The following PI16 variants were observed in gnomAD, a reference collection of about 807,000 sequenced individuals.
The protein encoded by PI16 is PSP94-binding protein.
A neutral mutation model predicts 38.0 loss-of-function variants in PI16; 35 were observed. The ratio of observed to expected loss-of-function variants is 0.92; its 90% CI spans 0.70 to 1.22. The LOEUF is 1.22. Ranked by LOEUF, PI16 falls within the 50% of genes most tolerant of loss-of-function variation. PI16 has a pLI of 0.00. For synonymous variants in PI16, 275 were observed against 252.9 expected, an observed-to-expected ratio of 1.09 and a Z score of -0.83; for missense variants, 572 against 593.8, an observed-to-expected ratio of 0.96 and a Z score of 0.38.
chr6:36,952,927 T>A (rs934513763), upstream of PI16, among the ~76,000 whole-genome samples: 1 of 152,212 alleles, frequency 6.6e-6, no homozygotes, highest in Non-Finnish European at 1.5e-5. Flanking sequence ...TTCTAATCCA[T>A]GAATATAGGA....
intron 5 of PI16, 79 bp from the exon 6 acceptor site, chr6:36,963,744 A>G: frequency 6.5e-7 from 1 of 1,529,176 alleles, no homozygotes; most frequent in Non-Finnish European, 8.8e-7. Flanking sequence ...CTGCTGCCCC[A>G]CCTCCTTGCA....
Position 36,961,763 on chromosome 6 carries a change from A to T in PI16, c.504-123A>T, listed in dbSNP as rs1763371662. 11 of 977,304 alleles carry T rather than the reference A, an allele frequency of 1.1e-5. No individual in the cohort carries two copies. The Admixed American group carries it at 2.1e-4, about 19-fold the overall frequency. The allele number at this position is 977,304 out of a possible 1,614,324, so 60.5% of individuals were successfully genotyped here. A position where few individuals can be genotyped will look rare whatever the true frequency, so the allele number is the denominator to read the frequency against. On this transcript the variant is annotated intron_variant, in intron 3 of 6. Transcript: ENST00000373674. ...CAGGAGGAGCCCAAGTTCGCCCAGC[A>T]AGTCAGTGGCTGGCAGTCAGGAGAC...
intron 1 of PI16, 22 bp from the exon 2 acceptor site, chr6:36,959,123 C>A: frequency 6.3e-7 from 1 of 1,589,776 alleles, no homozygotes; most frequent in East Asian, 2.3e-5. Context: ...TCCTCACCTC[C>A]CTTCTCTCAC....
At chr6:36,963,672 C>T in intron 5 of PI16, 60 bp downstream of exon 5, 2 of 1,578,882 alleles carry the variant, frequency 1.3e-6, no homozygotes, top group South Asian at 1.2e-5. Context: ...GTATCCTGCC[C>T]CAGCATAGGT....
intron 2 of PI16, among the ~76,000 whole-genome samples, 181 bp from the exon 3 acceptor site, chr6:36,961,270 C>A (rs1763358591): frequency 6.6e-6 from 1 of 152,192 alleles, no homozygotes; most frequent in African/African-American, 2.4e-5. Flanking sequence ...TAGGGACAAA[C>A]TCCCCCATCC....
chr6:36,960,364 T>C (rs1004349774), intron 2 of PI16, among the ~76,000 whole-genome samples: 3 of 139,238 alleles, frequency 2.2e-5, no homozygotes, highest in Non-Finnish European at 4.7e-5. Flanking sequence ...TGTGTGTGTG[T>C]AGGGGAATTA....
intron 1 of PI16, among the ~76,000 whole-genome samples, chr6:36,948,791 TTTTG>T (rs1177654885): frequency 2.7e-5 from 4 of 150,132 alleles, no homozygotes; most frequent in Non-Finnish European, 5.9e-5. Flanking sequence ...TTCTTTCCTT[TTTTG>T]TTTTTGTTTT....
upstream of PI16, among the ~76,000 whole-genome samples, chr6:36,951,484 A>C (rs1763099229): frequency 2.0e-5 from 3 of 152,190 alleles, no homozygotes; most frequent in African/African-American, 7.2e-5. Flanking sequence ...TTGTGGTCTC[A>C]AGCGATCGGC....
intron 1 of PI16, among the ~76,000 whole-genome samples, chr6:36,949,075 C>T (rs193161351): frequency 2.6e-5 from 4 of 151,936 alleles, no homozygotes; most frequent in African/African-American, 4.8e-5. Flanking sequence ...TGTGAGCCAC[C>T]GCACCCAGCC....
chr6:36,952,804 T>C (rs1763120251), upstream of PI16, among the ~76,000 whole-genome samples: 1 of 152,224 alleles, frequency 6.6e-6, no homozygotes, highest in Admixed American at 6.5e-5. Flanking sequence ...CATATAAATT[T>C]TAGGATGGAT....
chr6:36,948,868 C>T (rs1185276645), intron 1 of PI16, among the ~76,000 whole-genome samples: 1 of 149,756 alleles, frequency 6.7e-6, no homozygotes, highest in Non-Finnish European at 1.5e-5. Context: ...GATCTCGGCT[C>T]ACTGCAACCT....
At position 36,962,160 on chromosome 6, in the gene PI16, G is replaced by A. The variant is rs1763385002; in HGVS notation, c.592+186G>A. The stretch of plus-strand genomic sequence containing the variant: ...CGCGCAGCCACTTTGGCGCCCTGTC[G>A]TTCCAAGTGGCCGGATTTCAACCCT... On this transcript the variant is annotated intron_variant, in intron 4 of 6. Coordinates refer to ENST00000373674, the MANE Select transcript of PI16 (RefSeq NM_153370.3). The surrounding 1 kb of genome is among the most constrained non-coding windows in gnomAD (Gnocchi z 4.1). 1.3e-5 allele frequency among the ~76,000 whole-genome samples: 2 copies of A among 152,188 alleles called. No individual in the cohort carries two copies. The highest frequency in any genetic ancestry group is 2.4e-5 in the African/African-American group (1 of 41,456).
upstream of PI16, among the ~76,000 whole-genome samples, chr6:36,951,309 G>A (rs1488571023): frequency 1.3e-5 from 2 of 152,060 alleles, no homozygotes; most frequent in African/African-American, 4.8e-5. Context: ...GAGTGCAGTG[G>A]TGTGATCTCG....
At position 36,961,927 on chromosome 6, in the gene PI16, C is replaced by G. The variant is rs139815357; in HGVS notation, c.545C>G (p.Pro182Arg). Residue 182 changes from proline to arginine, a missense_variant, in exon 4 of 7, where the codon CCG becomes CGG. Coordinates refer to ENST00000373674, the MANE Select transcript of PI16 (RefSeq NM_153370.3). ...AAACGGCCCTACCAGGAGGGGACTC[C>G]GTGCTCCCAATGTCCCTCTGGCTAC... is the stretch of plus-strand genomic sequence containing the variant. Reference protein sequence around the residue: ...KGKRPYQEGTPCSQCPSGYHC... With the variant: ...KGKRPYQEGTRCSQCPSGYHC... 6.2e-7 allele frequency: 1 copy of G among 1,614,158 alleles called. No individual in the cohort carries two copies. The highest frequency in any genetic ancestry group is 8.5e-7 in the Non-Finnish European group (1 of 1,180,012).
intron 2 of PI16, among the ~76,000 whole-genome samples, chr6:36,960,650 C>A (rs1014368365): frequency 2.1e-5 from 3 of 144,970 alleles, no homozygotes; most frequent in Non-Finnish European, 4.5e-5. Context: ...CCACCCCCCC[C>A]CTCCCTCTAC....
chr6:36,960,608 C>A (rs1024248337), intron 2 of PI16, among the ~76,000 whole-genome samples: 1 of 151,614 alleles, frequency 6.6e-6, no homozygotes, highest in Non-Finnish European at 1.5e-5. Flanking sequence ...CTGGCCCTTT[C>A]CCTCTGGATC....
At chr6:36,951,768 G>A (rs1044359000), upstream of PI16, among the ~76,000 whole-genome samples, 4 of 151,876 alleles carry the variant, frequency 2.6e-5, no homozygotes, top group African/African-American at 7.3e-5. Flanking sequence ...GCATGGTGGC[G>A]CATGTCTGAC....
Position 36,961,482 on chromosome 6 carries a change from G to A in PI16, c.425G>A (p.Cys142Tyr). ...TGGGCCAAGACAGAGAGGATCGGCT[G>A]TGGTTCCCACTTCTGTGAGAAGCTC... ...VVWAKTERIG[C>Y]GSHFCEKLQG... Residue 142 changes from cysteine (C) to tyrosine (Y), a missense_variant, in exon 3 of 7, where the codon TGT becomes TAT. Physicochemically the swap from Cys to Tyr is radical, Grantham distance 194 (BLOSUM62 -2). Transcript: ENST00000373674. The A allele has an allele frequency of 6.2e-7, 1 of 1,614,216 alleles. No individual in the cohort carries two copies. The highest frequency in any genetic ancestry group is 8.5e-7 in the Non-Finnish European group (1 of 1,180,040).
chr6:36,961,532 G>A lies in PI16; in HGVS notation c.475G>A (p.Glu159Lys), dbSNP rs1188600411. ...CCAGGGTGTTGAGGAGACCAACATC[G>A]AATTACTGGTGTGCAACTATGAGCC... is the stretch of plus-strand genomic sequence containing the variant. ...KLQGVEETNI[E>K]LLVCNYEPPG... Residue 159 changes from glutamate (E) to lysine (K), a missense_variant, in exon 3 of 7, where the codon GAA becomes AAA. By Grantham distance (56) the Glu-to-Lys change is moderately conservative. Transcript: ENST00000373674. The A allele has an allele frequency of 2.5e-6, 4 of 1,614,144 alleles. No homozygotes were observed. The highest frequency in any genetic ancestry group is 3.3e-5 in the Admixed American group (2 of 60,030).
Sources: allele counts gnomAD v4.1 joint callset (sites outside exome capture counted in the v4.1 genomes callset), GRCh38; gene constraint gnomAD v4.1.1; non-coding constraint Gnocchi (gnomAD v3.1); transcripts MANE v1.5; gene names NCBI Gene and HGNC (gene_info 2026-07-23, HGNC 2026-07-21).